The following RAPGEF3 variants were observed in gnomAD, a reference collection of about 807,000 sequenced individuals.
The protein encoded by RAPGEF3 is Rap guanine nucleotide exchange factor 3.
In RAPGEF3, 103 loss-of-function variants were observed where a neutral mutation model predicts 129.8. That is an observed-to-expected ratio of 0.79 (90% CI 0.68 to 0.93). The LOEUF is 0.93. RAPGEF3 is among the 40% of genes least tolerant of loss of function. RAPGEF3 has a pLI of 0.00. For missense variants in RAPGEF3, 1,117 were observed against 1,207.4 expected (o/e 0.93, Z 1.11); for synonymous variants, 436 against 482.6 (o/e 0.90, Z 1.26).
intron 19 of RAPGEF3, 195 bp from the exon 20 acceptor site, chr12:47,741,235 T>G: frequency 1.3e-6 from 1 of 777,076 alleles, no homozygotes; most frequent in Non-Finnish European, 2.0e-6. Context: ...CCCCTCCTTT[T>G]GGGCTCCTGT....
rs547407849 is a variant in RAPGEF3 at position 47,747,844 on chromosome 12, C to T, written c.1341G>A (p.Ala447=). The T allele has an allele frequency of 1.5e-5, 24 of 1,604,010 alleles. No homozygotes were observed. The highest frequency in any genetic ancestry group is 4.5e-5 in the East Asian group (2 of 44,874). Residue 447 remains alanine, a synonymous_variant, in exon 14 of 28, where the codon GCG becomes GCA. Coordinates refer to ENST00000449771, the MANE Select transcript of RAPGEF3 (RefSeq NM_001098531.4). ...ALLHHFHVEP[A]GGSEQERSTY... ...TGCTGCGCTCCTGCTCGCTGCCACC[C>T]GCAGGCTCCACATGGAAGGTGGGCA...
In RAPGEF3 at chr12:47,749,340, CA is replaced by C; in HGVS notation, c.1041+49del. The C allele has an allele frequency of 6.2e-7, 1 of 1,603,638 alleles. No individual in the cohort carries two copies. Among genetic ancestry groups the C allele is most frequent in the Non-Finnish European group, 8.5e-7 (1 of 1,177,842 alleles). On this transcript the variant is annotated intron_variant, in intron 10 of 27. Transcript: ENST00000449771. The surrounding 1 kb of genome is among the most constrained non-coding windows in gnomAD (Gnocchi z 4.5). ...CTGGTCCCTACTCCTCTCTCCACAT[CA>C]CTTCTCTGGACGAATGGCCCCTGCC...
At position 47,737,410 on chromosome 12, in the gene RAPGEF3, C is replaced by G; in HGVS notation, c.*157G>C. 1 of 642,784 alleles carries G rather than the reference C, an allele frequency of 1.6e-6. No homozygotes were observed. Among genetic ancestry groups the G allele is most frequent in the Non-Finnish European group, 2.7e-6 (1 of 372,360 alleles). 39.8% of individuals were successfully genotyped at this position (642,784 alleles called of 1,614,324 possible). ...GGTCCTCCTTAGCTGCCAGTCATCA[C>G]AGGGGATGGCTGCCTCCACACTGCC... On this transcript the variant is annotated 3_prime_UTR_variant, in exon 28 of 28. Coordinates refer to ENST00000449771, the MANE Select transcript of RAPGEF3 (RefSeq NM_001098531.4).
chr12:47,747,772 C>T lies in RAPGEF3; in HGVS notation c.1413G>A (p.Gln471=). Residue 471 remains glutamine, a synonymous_variant, in exon 14 of 28, where the codon CAG becomes CAA. Coordinates refer to ENST00000449771, the MANE Select transcript of RAPGEF3 (RefSeq NM_001098531.4). ...KRQQILRLVS[Q]WVALYGSMLH... ...GCATGGAGCCATACAGGGCCACCCA[C>T]TGGCTGACCAGCCGCAAGATCTGCT... The T allele has an allele frequency of 6.2e-7, 1 of 1,608,772 alleles. No individual in the cohort carries two copies. Among genetic ancestry groups the T allele is most frequent in the East Asian group, 2.2e-5 (1 of 44,888 alleles).
intron 1 of RAPGEF3, 44 bp downstream of exon 1, chr12:47,758,507 C>A (rs760376900): frequency 6.2e-7 from 1 of 1,605,992 alleles, no homozygotes. Context: ...CTTCCTCTCC[C>A]GCCCTCTCCT....
intron 16 of RAPGEF3, chr12:47,744,649 C>T (rs1481609045): frequency 6.5e-6 from 1 of 154,734 alleles, no homozygotes; most frequent in Non-Finnish European, 1.4e-5. Context: ...TTCATGGAAA[C>T]CACTGTCAGG....
In RAPGEF3 at chr12:47,740,748, G is replaced by T. The variant is rs747930240; in HGVS notation, c.2125C>A (p.Arg709Ser). The change falls in exon 21 of 28, where the codon CGC (arginine) becomes AGC (serine). Residue 709 changes from arginine to serine, a missense_variant. This residue lies in a region of RAPGEF3 where 643 missense variants were observed against 673.4 expected (regional missense o/e 0.95). Transcript: ENST00000449771. Reference protein sequence around the residue: ...VTTANLERFMRRFNELQYWVA... With the variant: ...VTTANLERFMSRFNELQYWVA... ...CAGTACTGCAGCTCATTGAAGCGGC[G>T]CATGAAGCGCTCCAGGTTGGCGGTG... 4 of 1,613,980 alleles carry T rather than the reference G, an allele frequency of 2.5e-6. No homozygotes were observed. Among genetic ancestry groups the T allele is most frequent in the East Asian group, 2.2e-5 (1 of 44,900 alleles).
chr12:47,750,329 G>T lies in RAPGEF3; in HGVS notation c.756+12C>A. 2 of 1,612,756 alleles carry T rather than the reference G, an allele frequency of 1.2e-6. No homozygotes were observed. The highest frequency in any genetic ancestry group is 1.7e-6 in the Non-Finnish European group (2 of 1,178,798). On this transcript the variant is annotated intron_variant, in intron 7 of 27. Transcript: ENST00000449771. ...CCTGGTACGGGGCAGGGCTGGGAGG[G>T]GCAGGACTGACCGAGTTGGAGAGGT...
rs757286 is a variant in RAPGEF3 at position 47,751,388 on chromosome 12, C to T, written c.502+11G>A. The stretch of plus-strand genomic sequence containing the variant: ...CCAGCCCGGGGCACCCCACCCTGGG[C>T]TCGGGCTCACCATGGCAGAGGGCAC... On this transcript the variant is annotated intron_variant, in intron 5 of 27. Transcript: ENST00000449771. 0.31 allele frequency: 503,946 copies of T among 1,613,036 alleles called. 83,150 individuals are homozygous for T. The highest frequency in any genetic ancestry group is 0.57 in the Admixed American group (34,413 of 59,924).
At chr12:47,748,427 A>T in intron 12 of RAPGEF3, 27 bp downstream of exon 12, 1 of 1,595,644 alleles carries the variant, frequency 6.3e-7, no homozygotes, top group Non-Finnish European at 8.6e-7. Context: ...TGAGTCAGAA[A>T]GCAGGCAGGG....
In RAPGEF3 at chr12:47,738,186, C is replaced by A. The variant is rs749472703; in HGVS notation, c.2581+7G>T. ...GGACCTCCCACCCCGGGGACCCGCCCTCTCACCAGGGTTGTGGCTTCGGCA... is the reference window on the plus strand; with the variant it reads ...GGACCTCCCACCCCGGGGACCCGCCATCTCACCAGGGTTGTGGCTTCGGCA... On this transcript the variant is annotated splice_region_variant and intron_variant, in intron 26 of 27. Coordinates refer to ENST00000449771, the MANE Select transcript of RAPGEF3 (RefSeq NM_001098531.4). 6.2e-6 allele frequency: 10 copies of A among 1,613,948 alleles called. No individual in the cohort carries two copies. Among genetic ancestry groups the A allele is most frequent in the Non-Finnish European group, 7.6e-6 (9 of 1,180,020 alleles).
chr12:47,749,262 G>T lies in RAPGEF3; in HGVS notation c.1041+128C>A. Reference sequence around the variant, plus strand: ...ACCCAGGGCTATGGTCCCACTGCCAGCTGTCATAGCCCAGCATCTCTTACC... The same window carrying T: ...ACCCAGGGCTATGGTCCCACTGCCATCTGTCATAGCCCAGCATCTCTTACC... On this transcript the variant is annotated intron_variant, in intron 10 of 27. Transcript: ENST00000449771. This position sits in a 1 kb window ranked among gnomAD's most constrained non-coding sequence, Gnocchi z 4.5. 1.7e-6 allele frequency: 2 copies of T among 1,192,298 alleles called. No individual in the cohort carries two copies. Among genetic ancestry groups the T allele is most frequent in the Non-Finnish European group, 2.4e-6 (2 of 823,430 alleles). 73.9% of individuals were successfully genotyped at this position (1,192,298 alleles called of 1,614,324 possible).
intron 7 of RAPGEF3, 27 bp from the exon 8 acceptor site, chr12:47,750,017 T>C: frequency 6.2e-7 from 1 of 1,614,062 alleles, no homozygotes; most frequent in South Asian, 1.1e-5. Flanking sequence ...GGAGAGTCGG[T>C]GGCGACAAGT....
Position 47,740,719 on chromosome 12 carries a change from CACCCAGT to C in RAPGEF3, c.2147_2153del (p.Tyr716TrpfsTer52). The C allele has an allele frequency of 6.2e-7, 1 of 1,613,984 alleles. No individual in the cohort carries two copies. The highest frequency in any genetic ancestry group is 8.5e-7 in the Non-Finnish European group (1 of 1,179,970). On this transcript the variant is annotated frameshift_variant, in exon 21 of 28. Transcript: ENST00000449771. LOFTEE classifies it high-confidence loss of function. ...CGGGGCAGAGACACAGCTCGGTGGC[CACCCAGT>C]ACTGCAGCTCATTGAAGCGGCGCAT... is the stretch of plus-strand genomic sequence containing the variant.
rs988324507 is a variant in RAPGEF3, at chr12:47,734,763, A to C, written c.*2804T>G. ...GAGGGCTGTTGGAGACACAGAAGCC[A>C]TAAGGCAGCGTGTGAAGGCAGACAT... is the stretch of plus-strand genomic sequence containing the variant. On this transcript the variant is annotated 3_prime_UTR_variant, in exon 28 of 28. Transcript: ENST00000449771. The C allele has an allele frequency of 6.6e-6, 1 of 152,316 alleles. No individual in the cohort carries two copies. Among genetic ancestry groups the C allele is most frequent in the African/African-American group, 2.4e-5 (1 of 41,482 alleles). 9.4% of individuals were successfully genotyped at this position (152,316 alleles called of 1,614,324 possible). A position where few individuals can be genotyped will look rare whatever the true frequency, so the allele number is the denominator to read the frequency against.
At chr12:47,748,267 G>A in intron 12 of RAPGEF3, 115 bp from the exon 13 acceptor site, 1 of 1,016,110 alleles carries the variant, frequency 9.8e-7, no homozygotes, top group Non-Finnish European at 1.5e-6. Context: ...CAAGGTCCCA[G>A]CAGTGTCCAG....
chr12:47,750,935 T>A, intron 6 of RAPGEF3, 113 bp downstream of exon 6: 4 of 1,450,810 alleles, frequency 2.8e-6, no homozygotes, highest in Non-Finnish European at 3.7e-6. Flanking sequence ...GCCAGCCAGG[T>A]TCCCTTCCCT....
chr12:47,739,620 C>G lies in RAPGEF3; in HGVS notation c.2374-390G>C, dbSNP rs1346796246. On this transcript the variant is annotated intron_variant, in intron 23 of 27. Transcript: ENST00000449771. ...GCTCCCAGGCTATGCTGATGAAGTACCTCTTCTCTGCTTCTCTCCAGAATA... is the reference window on the plus strand; with the variant it reads ...GCTCCCAGGCTATGCTGATGAAGTAGCTCTTCTCTGCTTCTCTCCAGAATA... The G allele has an allele frequency of 1.9e-5, 8 of 418,412 alleles. No individual in the cohort carries two copies. The Admixed American group carries it at 2.5e-4, about 13-fold the overall frequency. 25.9% of individuals were successfully genotyped at this position (418,412 alleles called of 1,614,324 possible). A position where few individuals can be genotyped will look rare whatever the true frequency, so the allele number is the denominator to read the frequency against.
In RAPGEF3 at chr12:47,734,599, C is replaced by T. The variant is rs1565742882; in HGVS notation, c.*2968G>A. ...AACCAGAGTAAAAATACCTGTAGTA[C>T]CTATTCTGTCATCAGGATAAAAATA... On this transcript the variant is annotated 3_prime_UTR_variant, in exon 28 of 28. Transcript: ENST00000449771. The T allele has an allele frequency of 1.3e-5, 2 of 152,186 alleles. No individual in the cohort carries two copies. The highest frequency in any genetic ancestry group is 3.8e-4 in the East Asian group (2 of 5,202). 9.4% of individuals were successfully genotyped at this position (152,186 alleles called of 1,614,324 possible).
Sources: allele counts gnomAD v4.1 joint callset, GRCh38; gene constraint gnomAD v4.1.1; regional missense constraint gnomAD v4.1.1; non-coding constraint Gnocchi (gnomAD v3.1); transcripts MANE v1.5; gene names NCBI Gene and HGNC (gene_info 2026-07-23, HGNC 2026-07-21).